The following SPATS2L variants were observed in gnomAD, a reference collection of about 807,000 sequenced individuals.
SPATS2L encodes spermatogenesis associated serine rich 2 like.
In SPATS2L, 30 loss-of-function variants were observed where a neutral mutation model predicts 59.6. The ratio of observed to expected loss-of-function variants is 0.50; its 90% CI spans 0.38 to 0.68. The LOEUF (loss-of-function observed/expected upper bound fraction) is 0.68. Among genes scored for constraint, SPATS2L ranks in the 30% least tolerant of loss-of-function variants. The probability of loss-of-function intolerance (pLI) is 0.00; values close to 1 mark genes in which losing one functional copy is unlikely to be tolerated. For synonymous variants in SPATS2L, 252 were observed against 263.5 expected (o/e 0.96, Z 0.42); for missense variants, 615 against 700.0 (o/e 0.88, Z 1.37).
chr2:200,427,935 G>T (rs1249983004), intron 6 of SPATS2L, among the ~76,000 whole-genome samples: 1 of 152,088 alleles, frequency 6.6e-6, no homozygotes, highest in Non-Finnish European at 1.5e-5. Context: ...AGCTGAGCAG[G>T]GTAGCAAATG....
chr2:200,320,988 TTTC>T (rs2079543013), intron 1 of SPATS2L, among the ~76,000 whole-genome samples: 1 of 152,238 alleles, frequency 6.6e-6, no homozygotes, highest in African/African-American at 2.4e-5. Context: ...TTTCATGCAT[TTTC>T]TTTTTTGAAA....
At position 200,338,256 on chromosome 2, in the gene SPATS2L, C is replaced by T. The variant is rs59055809; in HGVS notation, c.-23+8776C>T. On this transcript the variant is annotated intron_variant, in intron 2 of 12. Coordinates refer to ENST00000409140, the MANE Select transcript of SPATS2L (RefSeq NM_001100423.2). Reference sequence around the variant, plus strand: ...CCCAGGCTGGTATTGAACTCGTGGGCTCAAGCAATCCACCCACCTCGGCCT... The same window carrying T: ...CCCAGGCTGGTATTGAACTCGTGGGTTCAAGCAATCCACCCACCTCGGCCT... Among the ~76,000 whole-genome samples, 400 of 152,264 alleles carry T rather than the reference C, an allele frequency of 2.6e-3. 1 individual carries two copies. Among genetic ancestry groups the T allele is most frequent in the African/African-American group, 9.4e-3 (389 of 41,546 alleles).
rs2083212886 is a variant in SPATS2L at position 200,419,420 on chromosome 2, A to G, written c.369A>G (p.Glu123=). Residue 123 remains glutamate (E), a synonymous_variant, in exon 6 of 13, where the codon GAA becomes GAG. Coordinates refer to ENST00000409140, the MANE Select transcript of SPATS2L (RefSeq NM_001100423.2). ...GCTCGTCCACAGATTCTGCTAACGA[A>G]AAACCAGCCCTTATCCCTCGTGAGA... is the stretch of plus-strand genomic sequence containing the variant. ...KDSSSTDSAN[E]KPALIPREKK... 2.5e-6 allele frequency: 4 copies of G among 1,613,846 alleles called. No individual in the cohort carries two copies. The highest frequency in any genetic ancestry group is 4.5e-5 in the East Asian group (2 of 44,818).
chr2:200,393,413 C>G, intron 3 of SPATS2L: 1 of 436,526 alleles, frequency 2.3e-6, no homozygotes, highest in Non-Finnish European at 4.7e-6. Context: ...TTAAGAGCCA[C>G]AGTCATCCCA....
chr2:200,438,313 C>T (rs1250885160), intron 6 of SPATS2L, among the ~76,000 whole-genome samples: 1 of 121,554 alleles, frequency 8.2e-6, no homozygotes, highest in Non-Finnish European at 1.8e-5. Flanking sequence ...CTACAAGAAC[C>T]TGGCCTTCAA....
At chr2:200,474,975 G>A (rs1011593673) in intron 12 of SPATS2L, among the ~76,000 whole-genome samples, 15 of 152,162 alleles carry the variant, frequency 9.9e-5, no homozygotes, top group African/African-American at 3.4e-4. Context: ...GTCAGTACTC[G>A]AGATCCTGGG....
chr2:200,448,912 C>T (rs546458931), intron 8 of SPATS2L, among the ~76,000 whole-genome samples: 3 of 152,128 alleles, frequency 2.0e-5, no homozygotes, highest in Non-Finnish European at 4.4e-5. Context: ...GTCTAGCTGA[C>T]AAATTGCCCA....
chr2:200,440,701 A>G lies in SPATS2L; in HGVS notation c.705A>G (p.Leu235=). The change falls in exon 8 of 13, where the codon CTA becomes CTG. Residue 235 remains leucine, a synonymous_variant. Transcript: ENST00000409140. The part of the protein sequence containing the change: ...VKDLQRCTVS[L]TRYRVMIKEE... Reference sequence around the variant, plus strand: ...ATTTGCAACGCTGCACCGTTTCTCTAACTAGATATCGCGTCATGATTAAGG... The same window carrying G: ...ATTTGCAACGCTGCACCGTTTCTCTGACTAGATATCGCGTCATGATTAAGG... The G allele has an allele frequency of 6.2e-7, 1 of 1,613,698 alleles. No individual in the cohort carries two copies. The highest frequency in any genetic ancestry group is 8.5e-7 in the Non-Finnish European group (1 of 1,179,692).
At chr2:200,394,723 AG>A (rs2105937266) in intron 3 of SPATS2L, among the ~76,000 whole-genome samples, 1 of 152,336 alleles carries the variant, frequency 6.6e-6, no homozygotes, top group South Asian at 2.1e-4. Context: ...ATCTCATTTT[AG>A]TACTCTTTTT....
rs572013703 is a variant in SPATS2L, at chr2:200,412,041, AC to A, written c.40-268del. Among the ~76,000 whole-genome samples the A allele has an allele frequency of 1.8e-4, 28 of 152,150 alleles. No individual in the cohort carries two copies. In the East Asian group the frequency reaches 5.0e-3, roughly 27 times the overall value. On this transcript the variant is annotated intron_variant, in intron 3 of 12. Transcript: ENST00000409140. The stretch of plus-strand genomic sequence containing the variant: ...GTCTTGGGGGAGGGTAGATTGCAAA[AC>A]CAGAGTTGGCTTTTCACACATGCTC...
At position 200,382,066 on chromosome 2, in the gene SPATS2L, G is replaced by A. The variant is rs368655004; in HGVS notation, c.-22-7157G>A. Among the ~76,000 whole-genome samples the A allele has an allele frequency of 8.0e-4, 122 of 152,052 alleles. 1 individual carries two copies. Among genetic ancestry groups the A allele is most frequent in the South Asian group, 6.4e-3 (31 of 4,810 alleles). The stretch of plus-strand genomic sequence containing the variant: ...AAAACAGCCGTTTTTTGGTGGGGTC[G>A]GGGTTGTGGTGAATGGAGTCACTCT... On this transcript the variant is annotated intron_variant, in intron 2 of 12. Transcript: ENST00000409140.
chr2:200,384,147 GAC>G, intron 2 of SPATS2L: 1 of 280,334 alleles, frequency 3.6e-6, no homozygotes, highest in Non-Finnish European at 5.8e-6. Flanking sequence ...GAAATACAGA[GAC>G]AGACATATTT....
chr2:200,396,033 A>AAAAATATAT (rs1553520464), intron 3 of SPATS2L, among the ~76,000 whole-genome samples: 14 of 21,132 alleles, frequency 6.6e-4, no homozygotes, highest in East Asian at 2.0e-3. Context: ...AAAAAAAAAA[A>AAAAATATAT]ATATATATAT....
At chr2:200,364,050 T>C in intron 2 of SPATS2L, among the ~76,000 whole-genome samples, 1 of 152,134 alleles carries the variant, frequency 6.6e-6, no homozygotes, top group East Asian at 1.9e-4. Flanking sequence ...GAGATGTTAC[T>C]GTGGAATAAT....
intron 2 of SPATS2L, among the ~76,000 whole-genome samples, chr2:200,344,717 C>A (rs1242584111): frequency 6.6e-6 from 1 of 152,172 alleles, no homozygotes. Context: ...TTCTCTGCAA[C>A]TTTGCCAGGA....
intron 2 of SPATS2L, among the ~76,000 whole-genome samples, chr2:200,339,338 T>C (rs995564530): frequency 6.6e-6 from 1 of 152,338 alleles, no homozygotes; most frequent in African/African-American, 2.4e-5. Context: ...CTGTTTATGC[T>C]TTTAAGACCT....
chr2:200,331,807 A>G (rs2079951160), intron 2 of SPATS2L, among the ~76,000 whole-genome samples: 1 of 152,208 alleles, frequency 6.6e-6, no homozygotes, highest in Non-Finnish European at 1.5e-5. Context: ...TTTTGTTGTT[A>G]TTGGTAAGAC....
At chr2:200,349,286 A>G (rs1275799067) in intron 2 of SPATS2L, among the ~76,000 whole-genome samples, 2 of 152,186 alleles carry the variant, frequency 1.3e-5, no homozygotes, top group South Asian at 2.1e-4. Flanking sequence ...TCCAGTTTAC[A>G]AATGAGGAAA....
chr2:200,413,450 T>A (rs2082954486), intron 4 of SPATS2L, among the ~76,000 whole-genome samples: 1 of 152,256 alleles, frequency 6.6e-6, no homozygotes, highest in Non-Finnish European at 1.5e-5. Flanking sequence ...TGGGAAATTA[T>A]CCTCTTCTAA....
Sources: gnomAD v4.1 joint callset for allele counts (sites outside exome capture counted in the v4.1 genomes callset) on GRCh38, gnomAD v4.1.1 for gene constraint, MANE v1.5 for transcripts, NCBI Gene and HGNC (gene_info 2026-07-23, HGNC 2026-07-21) for gene names.